SUGCT: variants seen among roughly 807,000 people sequenced by gnomAD.
The protein encoded by SUGCT is succinyl-CoA:glutarate-CoA transferase.
SUGCT carries 41 observed loss-of-function variants against 55.0 expected under a neutral mutation model. The ratio of observed to expected loss-of-function variants is 0.74; its 90% CI spans 0.58 to 0.97. The LOEUF is 0.97. Ranked by LOEUF, SUGCT falls within the 50% of genes least tolerant of loss-of-function variation. The pLI, the probability that SUGCT is intolerant of heterozygous loss-of-function variation, is 0.00. For missense variants in SUGCT, 568 were observed against 547.8 expected (o/e 1.04, Z -0.37); for synonymous variants, 187 against 200.4 (o/e 0.93, Z 0.56).
intron 7 of SUGCT, among the ~76,000 whole-genome samples, chr7:40,254,896 G>T (rs958205832): frequency 1.3e-5 from 2 of 151,556 alleles, no homozygotes; most frequent in African/African-American, 4.8e-5. Flanking sequence ...TAAAATATTT[G>T]CTTTAAAGTT....
At chr7:40,397,939 T>C (rs1243223066) in intron 9 of SUGCT, among the ~76,000 whole-genome samples, 1 of 152,200 alleles carries the variant, frequency 6.6e-6, no homozygotes, top group East Asian at 1.9e-4. Flanking sequence ...CCTCAATCTC[T>C]GACTGAGGTC....
intron 12 of SUGCT, among the ~76,000 whole-genome samples, chr7:40,592,254 G>C (rs185645231): frequency 6.6e-6 from 1 of 152,254 alleles, no homozygotes; most frequent in Admixed American, 6.5e-5. Flanking sequence ...GTTAACTGAG[G>C]TCCCATAGGA....
chr7:40,315,282 C>T (rs1281357601), intron 8 of SUGCT, among the ~76,000 whole-genome samples: 1 of 152,238 alleles, frequency 6.6e-6, no homozygotes, highest in Admixed American at 6.5e-5. Context: ...GACTTCCTAT[C>T]CAGGGCATTT....
intron 12 of SUGCT, among the ~76,000 whole-genome samples, chr7:40,547,650 T>A (rs1252490623): frequency 6.6e-6 from 1 of 152,142 alleles, no homozygotes; most frequent in African/African-American, 2.4e-5. Flanking sequence ...ATAATAGAGA[T>A]AAACAAAAGA....
At chr7:40,322,460 G>A (rs1411918705) in intron 9 of SUGCT, among the ~76,000 whole-genome samples, 2 of 152,150 alleles carry the variant, frequency 1.3e-5, no homozygotes, top group Non-Finnish European at 2.9e-5. Context: ...GCTGATGTGA[G>A]GATCTAATAG....
intron 12 of SUGCT, among the ~76,000 whole-genome samples, chr7:40,742,395 C>G (rs1787508884): frequency 6.6e-6 from 1 of 152,080 alleles, no homozygotes; most frequent in Non-Finnish European, 1.5e-5. Flanking sequence ...GACAGTTTTT[C>G]CATGGACGGG....
At chr7:40,633,575 G>A (rs993571359) in intron 12 of SUGCT, among the ~76,000 whole-genome samples, 8 of 152,252 alleles carry the variant, frequency 5.3e-5, no homozygotes, top group African/African-American at 1.7e-4. Context: ...CAGGTGCTTG[G>A]TACAAAATCA....
chr7:40,930,936 A>G, the SUGCT span, among the ~76,000 whole-genome samples: 1 of 152,132 alleles, frequency 6.6e-6, no homozygotes, highest in African/African-American at 2.4e-5. Context: ...CTGATTACCC[A>G]GGCCAGAACT....
At chr7:40,665,353 A>G (rs563155847) in intron 12 of SUGCT, among the ~76,000 whole-genome samples, 52 of 152,026 alleles carry the variant, frequency 3.4e-4, no homozygotes, top group African/African-American at 1.2e-3. Flanking sequence ...GAGGCAGGAG[A>G]ATTGCTTGAA....
chr7:40,292,304 A>G (rs1287642048), intron 8 of SUGCT, among the ~76,000 whole-genome samples: 1 of 152,118 alleles, frequency 6.6e-6, no homozygotes, highest in Non-Finnish European at 1.5e-5. Flanking sequence ...CAATTGTAAG[A>G]AATTTCAGCC....
At chr7:40,945,756 G>T in the SUGCT span, among the ~76,000 whole-genome samples, 1 of 152,142 alleles carries the variant, frequency 6.6e-6, no homozygotes, top group African/African-American at 2.4e-5. Flanking sequence ...CCTTGCCCCA[G>T]GAGTAGGAGT....
At chr7:40,897,054 A>G in the SUGCT span, among the ~76,000 whole-genome samples, 1 of 152,206 alleles carries the variant, frequency 6.6e-6, no homozygotes, top group Non-Finnish European at 1.5e-5. Context: ...ATAAATCCAC[A>G]CCTTTATGGT....
chr7:40,756,690 A>G (rs1788268769), intron 13 of SUGCT, among the ~76,000 whole-genome samples: 1 of 152,228 alleles, frequency 6.6e-6, no homozygotes, highest in Non-Finnish European at 1.5e-5. Flanking sequence ...ATATCTCTCC[A>G]TAAAGTTTAA....
At chr7:40,706,852 A>T (rs948929703) in intron 12 of SUGCT, among the ~76,000 whole-genome samples, 1 of 152,210 alleles carries the variant, frequency 6.6e-6, no homozygotes, top group African/African-American at 2.4e-5. Flanking sequence ...TAGGTTATAT[A>T]ATCTGGCTGC....
chr7:40,650,873 C>T (rs146136258), intron 12 of SUGCT, among the ~76,000 whole-genome samples: 1 of 152,148 alleles, frequency 6.6e-6, no homozygotes, highest in South Asian at 2.1e-4. Context: ...CCTCCTCCCA[C>T]CCTAACCCTC....
At position 40,352,131 on chromosome 7, in the gene SUGCT, C is replaced by T. The variant is rs112033220; in HGVS notation, c.816+35276C>T. 2.0e-3 allele frequency among the ~76,000 whole-genome samples: 304 copies of T among 152,160 alleles called. 3 individuals carry two copies. The highest frequency in any genetic ancestry group is 0.017 in the Middle Eastern group (5 of 294). ...AAATGTAAATTATCAGACCACATCT[C>T]GATCTGTCTGCTTTTTTTCAAAAGA... On this transcript the variant is annotated intron_variant, in intron 9 of 13. Coordinates refer to ENST00000335693, the MANE Select transcript of SUGCT (RefSeq NM_001193313.2).
intron 9 of SUGCT, among the ~76,000 whole-genome samples, chr7:40,448,857 T>TACAC (rs148261562): frequency 6.7e-6 from 1 of 150,214 alleles, no homozygotes; most frequent in African/African-American, 2.5e-5. Flanking sequence ...ACCAAATACA[T>TACAC]ACACACACAC....
chr7:40,608,061 C>T lies in SUGCT; in HGVS notation c.1089+111675C>T, dbSNP rs1798609533. ...TCTGATATTCTGCATTACCCTGAAA[C>T]GTCTTCCTAATTTAGAACCAAGGTA... On this transcript the variant is annotated intron_variant, in intron 12 of 13. Coordinates refer to ENST00000335693, the MANE Select transcript of SUGCT (RefSeq NM_001193313.2). Among the ~76,000 whole-genome samples, 5 of 152,192 alleles carry T rather than the reference C, an allele frequency of 3.3e-5. No individual in the cohort carries two copies. The South Asian group carries it at 6.2e-4, about 19-fold the overall frequency.
At chr7:40,938,309 G>A in the SUGCT span, among the ~76,000 whole-genome samples, 1 of 151,416 alleles carries the variant, frequency 6.6e-6, no homozygotes, top group Middle Eastern at 3.4e-3. Context: ...GGGTTCACCT[G>A]TTCCTTCGTT....
Sources: allele counts gnomAD v4.1 joint callset (sites outside exome capture counted in the v4.1 genomes callset), GRCh38; gene constraint gnomAD v4.1.1; transcripts MANE v1.5; gene names NCBI Gene and HGNC (gene_info 2026-07-23, HGNC 2026-07-21).